The following RORA variants were observed in gnomAD, a reference collection of about 807,000 sequenced individuals.
RORA encodes RAR related orphan receptor A.
In RORA, 7 loss-of-function variants were observed where a neutral mutation model predicts 69.5. The observed-to-expected ratio is 0.10, with a 90% CI of 0.06 to 0.19. The LOEUF (loss-of-function observed/expected upper bound fraction) is 0.19, where lower values mean the gene tolerates loss of function less well. Among genes scored for constraint, RORA ranks in the 10% least tolerant of loss-of-function variants. The pLI is 1.00. For synonymous variants in RORA, 261 were observed against 240.8 expected, an observed-to-expected ratio of 1.08 and a Z score of -0.78; for missense variants, 457 against 663.0, an observed-to-expected ratio of 0.69 and a Z score of 3.41.
chr15:61,082,864 T>C (rs369079091), intron 1 of RORA, among the ~76,000 whole-genome samples: 1 of 152,222 alleles, frequency 6.6e-6, no homozygotes. Context: ...TGTTTAATAC[T>C]GAGAAAGAAT....
At chr15:60,641,631 G>A (rs925825221) in intron 2 of RORA, among the ~76,000 whole-genome samples, 9 of 151,676 alleles carry the variant, frequency 5.9e-5, no homozygotes, top group East Asian at 2.0e-4. Context: ...GGCTGGTCTC[G>A]AACTCCTGAC....
intron 2 of RORA, among the ~76,000 whole-genome samples, chr15:60,540,730 A>C (rs929062845): frequency 1.3e-5 from 2 of 152,208 alleles, no homozygotes; most frequent in Non-Finnish European, 2.9e-5. Flanking sequence ...AAGATCTGCT[A>C]CTGCTCATTG....
chr15:60,707,652 C>T lies in RORA; in HGVS notation c.167-28966G>A, dbSNP rs543787366. 2.9e-4 allele frequency among the ~76,000 whole-genome samples: 44 copies of T among 152,256 alleles called. 1 individual carries two copies. Among genetic ancestry groups the T allele is most frequent in the African/African-American group, 9.4e-4 (39 of 41,574 alleles). On this transcript the variant is annotated intron_variant, in intron 1 of 10. Transcript: ENST00000335670. ...TGCTGGGATTACAGGCGTGAGCCAC[C>T]GCACCTGGCCCACGGTCATCTATTT...
At chr15:60,947,688 T>TAA (rs35887206) in intron 1 of RORA, among the ~76,000 whole-genome samples, 26,228 of 102,510 alleles carry the variant, frequency 0.26, 3,661 homozygotes, top group Non-Finnish European at 0.3. Context: ...GAATGATCAA[T>TAA]AAAAAAAAAA....
At chr15:60,694,998 G>A (rs979926889) in intron 1 of RORA, among the ~76,000 whole-genome samples, 2 of 152,102 alleles carry the variant, frequency 1.3e-5, no homozygotes, top group East Asian at 1.9e-4. Context: ...ATCTACCCCC[G>A]GTTGACTGCA....
chr15:60,516,161 TTATATA>T (rs1242984311), intron 3 of RORA, among the ~76,000 whole-genome samples: 1 of 30,330 alleles, frequency 3.3e-5, no homozygotes, highest in Non-Finnish European at 5.3e-5. Context: ...ATATATATAT[TTATATA>T]TATATTTATA....
chr15:61,003,487 A>T lies in RORA; in HGVS notation c.166+225566T>A, dbSNP rs1285998435. ...TGCTGTTTATGCTTGTACTGAATAT[A>T]TATGAATGCAGGCCCACTCAAGGAT... On this transcript the variant is annotated intron_variant, in intron 1 of 10. Coordinates refer to ENST00000335670, the MANE Select transcript of RORA (RefSeq NM_134261.3). Among the ~76,000 whole-genome samples, 3 of 152,184 alleles carry T rather than the reference A, an allele frequency of 2.0e-5. No individual in the cohort carries two copies. The South Asian group carries it at 6.2e-4, about 32-fold the overall frequency.
chr15:60,524,229 T>C (rs934501232), intron 3 of RORA, among the ~76,000 whole-genome samples: 2 of 152,238 alleles, frequency 1.3e-5, no homozygotes, highest in African/African-American at 4.8e-5. Flanking sequence ...ACTTCTTGAG[T>C]TGGTTATTAT....
At chr15:60,719,482 T>C (rs1370989808) in intron 1 of RORA, among the ~76,000 whole-genome samples, 1 of 152,136 alleles carries the variant, frequency 6.6e-6, no homozygotes, top group Non-Finnish European at 1.5e-5. Flanking sequence ...TAGGGTTTCT[T>C]AAAAAGCACT....
intron 1 of RORA, among the ~76,000 whole-genome samples, chr15:60,734,033 G>C (rs1291069599): frequency 2.0e-5 from 3 of 152,096 alleles, no homozygotes; most frequent in Non-Finnish European, 2.9e-5. Flanking sequence ...AGTGGGAGGA[G>C]AGAGACAGAG....
intron 1 of RORA, among the ~76,000 whole-genome samples, chr15:60,742,682 A>G (rs1422728848): frequency 1.3e-5 from 2 of 152,090 alleles, no homozygotes; most frequent in Non-Finnish European, 2.9e-5. Context: ...CTTTGCTTCT[A>G]TGAGTTTGAC....
intron 1 of RORA, among the ~76,000 whole-genome samples, chr15:60,882,714 C>T (rs4775311): frequency 0.69 from 104,996 of 151,770 alleles, 38,892 homozygotes; most frequent in Non-Finnish European, 0.82. Flanking sequence ...CTAGACGTAA[C>T]TGGTGATTAC....
intron 2 of RORA, chr15:60,677,041 C>T (rs760421790): frequency 7.4e-5 from 27 of 365,974 alleles, no homozygotes; most frequent in Non-Finnish European, 1.2e-4. Context: ...TGTACATTGC[C>T]AGGTGGCCAG....
chr15:61,197,683 T>G (rs1017060229), intron 1 of RORA, among the ~76,000 whole-genome samples: 1 of 152,146 alleles, frequency 6.6e-6, no homozygotes, highest in African/African-American at 2.4e-5. Flanking sequence ...ATCAATCCCA[T>G]GGGCCATGTT....
intron 1 of RORA, among the ~76,000 whole-genome samples, chr15:61,144,843 T>A (rs116017279): frequency 6.6e-6 from 1 of 152,176 alleles, no homozygotes; most frequent in Admixed American, 6.5e-5. Flanking sequence ...GTTATTAACA[T>A]TGGCTACTTT....
chr15:60,893,437 A>G (rs1891134276), intron 1 of RORA, among the ~76,000 whole-genome samples: 1 of 152,114 alleles, frequency 6.6e-6, no homozygotes, highest in South Asian at 2.1e-4. Context: ...TGGACAACCA[A>G]ACCCCCACTC....
At position 60,748,322 on chromosome 15, in the gene RORA, AAAAC is replaced by A. The variant is rs756078297; in HGVS notation, c.167-69640_167-69637del. Among the ~76,000 whole-genome samples, 399 of 100,306 alleles carry A rather than the reference AAAAC, an allele frequency of 4.0e-3. 2 individuals are homozygous for A. Among genetic ancestry groups the A allele is most frequent in the Middle Eastern group, 8.5e-3 (2 of 234 alleles). The allele number at this position is 100,306 out of a possible 152,430, so 65.8% of individuals were successfully genotyped here. A position where few individuals can be genotyped will look rare whatever the true frequency, so the allele number is the denominator to read the frequency against. ...GATATAATTAGCGAAAAAAAAAAAA[AAAAC>A]ACACACACATAAGGAGACATAAATT... On this transcript the variant is annotated intron_variant, in intron 1 of 10. Coordinates refer to ENST00000335670, the MANE Select transcript of RORA (RefSeq NM_134261.3).
chr15:61,147,766 C>CGTGTGTGTGTGTGTGT lies in RORA; in HGVS notation c.166+81271_166+81286dup, dbSNP rs10523030. On this transcript the variant is annotated intron_variant, in intron 1 of 10. Transcript: ENST00000335670. The surrounding 1 kb of genome is among the most constrained non-coding windows in gnomAD (Gnocchi z 4.1). ...TGGTCAGTAGGCACGTGCGCACACG[C>CGTGTGTGTGTGTGTGT]GTGTGTGTGTGTGTGTGTGTGTGTG... 0.13 allele frequency among the ~76,000 whole-genome samples: 19,335 copies of CGTGTGTGTGTGTGTGT among 147,344 alleles called. 1,575 individuals carry two copies. Among genetic ancestry groups the CGTGTGTGTGTGTGTGT allele is most frequent in the East Asian group, 0.22 (1,086 of 4,844 alleles).
chr15:61,227,859 T>A (rs926358875), intron 1 of RORA, among the ~76,000 whole-genome samples: 2 of 152,192 alleles, frequency 1.3e-5, no homozygotes, highest in Non-Finnish European at 2.9e-5. Flanking sequence ...CAACAGTAAT[T>A]AAAGCTGTAG....
Sources: gnomAD v4.1 joint callset for allele counts (sites outside exome capture counted in the v4.1 genomes callset) on GRCh38, gnomAD v4.1.1 for gene constraint, Gnocchi (gnomAD v3.1) non-coding constraint, MANE v1.5 for transcripts, NCBI Gene and HGNC (gene_info 2026-07-23, HGNC 2026-07-21) for gene names.